BRCA2: variants seen among roughly 807,000 people sequenced by gnomAD.
BRCA2 encodes the protein BRCA2 DNA repair associated, also known as breast cancer type 2 susceptibility protein.
BRCA2 carries 203 observed loss-of-function variants against 276.7 expected under a neutral mutation model. The ratio of observed to expected loss-of-function variants is 0.73; its 90% CI spans 0.65 to 0.82. The LOEUF is 0.82. Among genes scored for constraint, BRCA2 ranks in the 40% least tolerant of loss-of-function variants. The pLI is 0.00. For missense variants in BRCA2, 3,920 were observed against 3,915.0 expected (o/e 1.00, Z -0.03); for synonymous variants, 1,289 against 1,338.4 (o/e 0.96, Z 0.81).
At chr13:32,395,045 T>A in intron 25 of BRCA2, 112 bp downstream of exon 25, 1 of 1,450,374 alleles carries the variant, frequency 6.9e-7, no homozygotes, top group Non-Finnish European at 9.5e-7. Flanking sequence ...GTATGTGAGG[T>A]AAAGTTTAAT....
At chr13:32,384,088 A>G (rs1172597350) in intron 24 of BRCA2, among the ~76,000 whole-genome samples, 2 of 152,218 alleles carry the variant, frequency 1.3e-5, no homozygotes, top group Non-Finnish European at 2.9e-5. Context: ...GCCAGGGTCA[A>G]TGGATGCCTG....
At chr13:32,318,971 A>G (rs1328641156) in intron 2 of BRCA2, 106 bp from the exon 3 acceptor site, 24 of 1,431,510 alleles carry the variant, frequency 1.7e-5, no homozygotes, top group Non-Finnish European at 2.1e-5. Context: ...AAAGTAATCC[A>G]TAGTCAAGAT....
At chr13:32,344,723 T>TG in intron 12 of BRCA2, 70 bp downstream of exon 12, 7 of 1,088,212 alleles carry the variant, frequency 6.4e-6, no homozygotes, top group Non-Finnish European at 9.7e-6. Flanking sequence ...TGACCTCAGG[T>TG]GATCCACCTG....
In BRCA2 at chr13:32,398,485, A is replaced by T. The variant is rs786201647; in HGVS notation, c.9972A>T (p.Pro3324=). The change falls in exon 27 of 27, where the codon CCA becomes CCT. Residue 3324 remains proline (P), a synonymous_variant. Coordinates refer to ENST00000380152, the MANE Select transcript of BRCA2 (RefSeq NM_000059.4). The part of the protein sequence containing the change: ...KKELNSPQMT[P]FKKFNEISLL... ...AACTGAATTCTCCTCAGATGACTCCATTTAAAAAATTCAATGAAATTTCTC... is the reference window on the plus strand; with the variant it reads ...AACTGAATTCTCCTCAGATGACTCCTTTTAAAAAATTCAATGAAATTTCTC... The T allele has an allele frequency of 6.2e-7, 1 of 1,614,048 alleles. No homozygotes were observed. Among genetic ancestry groups the T allele is most frequent in the Non-Finnish European group, 8.5e-7 (1 of 1,180,026 alleles).
At chr13:32,332,203 G>C (rs1224878870) in intron 9 of BRCA2, 69 bp from the exon 10 acceptor site, 4 of 1,387,610 alleles carry the variant, frequency 2.9e-6, no homozygotes, top group Admixed American at 4.4e-5. Flanking sequence ...CTATGAGAAA[G>C]GTTGTGAGAA....
chr13:32,335,888 A>AT (rs915614936), intron 10 of BRCA2, among the ~76,000 whole-genome samples: 11 of 151,852 alleles, frequency 7.2e-5, no homozygotes, highest in Non-Finnish European at 8.8e-5. Context: ...TAATTTATTT[A>AT]TTTTTATTTT....
chr13:32,373,292 G>T (rs760035502), intron 20 of BRCA2, among the ~76,000 whole-genome samples: 2 of 151,594 alleles, frequency 1.3e-5, no homozygotes, highest in African/African-American at 2.4e-5. Context: ...CAGATCACAA[G>T]GTCAGGAGTT....
intron 13 of BRCA2, among the ~76,000 whole-genome samples, chr13:32,353,496 C>T (rs1351917607): frequency 6.6e-6 from 1 of 152,154 alleles, no homozygotes; most frequent in Non-Finnish European, 1.5e-5. Context: ...TGTACAGATT[C>T]TTCATGATCT....
rs397507306 is a variant in BRCA2, at chr13:32,337,676, A to G, written c.3321A>G (p.Gln1107=). 7.5e-6 allele frequency: 12 copies of G among 1,598,832 alleles called. No homozygotes were observed. The highest frequency in any genetic ancestry group is 1.0e-5 in the Non-Finnish European group (12 of 1,173,496). The change falls in exon 11 of 27, where the codon CAA becomes CAG. Residue 1107 remains glutamine, a synonymous_variant. Coordinates refer to ENST00000380152, the MANE Select transcript of BRCA2 (RefSeq NM_000059.4). Reference sequence around the variant, plus strand: ...CAAACCATAATTTAACACCTAGCCAAAAGGCAGAAATTACAGAACTTTCTA... The same window carrying G: ...CAAACCATAATTTAACACCTAGCCAGAAGGCAGAAATTACAGAACTTTCTA... The part of the protein sequence containing the change: ...FNSNHNLTPS[Q]KAEITELSTI...
chr13:32,376,521 CAAAA>C (rs200156944), intron 20 of BRCA2, 145 bp from the exon 21 acceptor site: 45 of 714,962 alleles, frequency 6.3e-5, no homozygotes, highest in Middle Eastern at 4.2e-4. Context: ...GACCCTGTCT[CAAAA>C]AAAAAAAAAA....
At chr13:32,384,449 G>C (rs138720953) in intron 24 of BRCA2, among the ~76,000 whole-genome samples, 193 of 152,322 alleles carry the variant, frequency 1.3e-3, no homozygotes, top group African/African-American at 4.3e-3. Context: ...ATGACTGAGA[G>C]CCTGTGCTGC....
At chr13:32,351,021 A>G (rs2072646080) in intron 13 of BRCA2, among the ~76,000 whole-genome samples, 1 of 152,154 alleles carries the variant, frequency 6.6e-6, no homozygotes, top group Non-Finnish European at 1.5e-5. Context: ...TTGTAAATGC[A>G]CCAATCAGCA....
intron 13 of BRCA2, among the ~76,000 whole-genome samples, chr13:32,351,864 C>A (rs1044613482): frequency 6.6e-6 from 1 of 152,092 alleles, no homozygotes; most frequent in East Asian, 1.9e-4. Flanking sequence ...TACAGTGGCA[C>A]GATCTTGGCT....
rs747462525 is a variant in BRCA2, at chr13:32,337,603, A to G, written c.3248A>G (p.Asn1083Ser). 1 of 1,593,598 alleles carries G rather than the reference A, an allele frequency of 6.3e-7. No individual in the cohort carries two copies. Among genetic ancestry groups the G allele is most frequent in the South Asian group, 1.1e-5 (1 of 87,434 alleles). ...AGTGTAGTTGTTTCTGATTGTAAAA[A>G]TAGTCATATAACCCCTCAGATGTTA... is the stretch of plus-strand genomic sequence containing the variant. ...QSSVVVSDCK[N>S]SHITPQMLFS... Residue 1083 changes from asparagine (N) to serine (S), a missense_variant, in exon 11 of 27, where the codon AAT becomes AGT. Asn to Ser is a conservative substitution (Grantham distance 46, BLOSUM62 1). This residue lies in a region of BRCA2 where 3,263 missense variants were observed against 3,156.9 expected (regional missense o/e 1.03). Transcript: ENST00000380152.
In BRCA2 at chr13:32,394,576, T is replaced by G. The variant is rs191553604; in HGVS notation, c.9257-113T>G. On this transcript the variant is annotated intron_variant, in intron 24 of 26. Coordinates refer to ENST00000380152, the MANE Select transcript of BRCA2 (RefSeq NM_000059.4). ...CCAAATTCAGCTATTTTGATTTGCT[T>G]TTATTATTAGCATATACCAAAATAA... 3.5e-3 allele frequency: 4,680 copies of G among 1,321,102 alleles called. 36 individuals carry two copies. Among genetic ancestry groups the G allele is most frequent in the Non-Finnish European group, 3.4e-3 (3,296 of 969,776 alleles). 81.8% of individuals were successfully genotyped at this position (1,321,102 alleles called of 1,614,324 possible).
chr13:32,351,059 C>A (rs539384812), intron 13 of BRCA2, among the ~76,000 whole-genome samples: 1 of 152,154 alleles, frequency 6.6e-6, no homozygotes, highest in African/African-American at 2.4e-5. Context: ...ATCAGCAGGA[C>A]GTGGGCGGGG....
chr13:32,332,903 A>G lies in BRCA2; in HGVS notation c.1425A>G (p.Glu475=), dbSNP rs2072412515. 1 of 1,611,086 alleles carries G rather than the reference A, an allele frequency of 6.2e-7. No individual in the cohort carries two copies. Among genetic ancestry groups the G allele is most frequent in the Non-Finnish European group, 8.5e-7 (1 of 1,179,378 alleles). Residue 475 remains glutamate, a synonymous_variant, in exon 10 of 27, where the codon GAA becomes GAG. Coordinates refer to ENST00000380152, the MANE Select transcript of BRCA2 (RefSeq NM_000059.4). ...VNKRDEEQHL[E]SHTDCILAVK... Reference sequence around the variant, plus strand: ...AGAGAGATGAAGAGCAGCATCTTGAATCTCATACAGACTGCATTCTTGCAG... The same window carrying G: ...AGAGAGATGAAGAGCAGCATCTTGAGTCTCATACAGACTGCATTCTTGCAG...
rs1566233782 is a variant in BRCA2 at position 32,340,398 on chromosome 13, T to C, written c.6043T>C (p.Leu2015=). The C allele has an allele frequency of 6.2e-7, 1 of 1,613,826 alleles. No individual in the cohort carries two copies. Among genetic ancestry groups the C allele is most frequent in the Non-Finnish European group, 8.5e-7 (1 of 1,179,796 alleles). The change falls in exon 11 of 27, where the codon TTG becomes CTG. Residue 2015 remains leucine, a synonymous_variant. Coordinates refer to ENST00000380152, the MANE Select transcript of BRCA2 (RefSeq NM_000059.4). ...DSTKQVFSKV[L]FKSNEHSDQL... ...TACCAAGCAAGTCTTTTCCAAAGTA[T>C]TGTTTAAAAGTAACGAACATTCAGA...
chr13:32,317,318 T>A (rs902525034), intron 2 of BRCA2, among the ~76,000 whole-genome samples: 4 of 85,852 alleles, frequency 4.7e-5, no homozygotes, highest in African/African-American at 1.4e-4. Context: ...TGAAAACAAG[T>A]GAGTGGAATA....
Sources: allele counts gnomAD v4.1 joint callset (sites outside exome capture counted in the v4.1 genomes callset), GRCh38; gene constraint gnomAD v4.1.1; regional missense constraint gnomAD v4.1.1; transcripts MANE v1.5; gene names NCBI Gene and HGNC (gene_info 2026-07-23, HGNC 2026-07-21).